The following PRF1 variants were observed in gnomAD, a reference collection of about 807,000 sequenced individuals.
PRF1 encodes perforin 1.
In PRF1, 11 loss-of-function variants were observed where a neutral mutation model predicts 11.7. The ratio of observed to expected loss-of-function variants is 0.94; its 90% CI spans 0.59 to 1.56. The LOEUF (loss-of-function observed/expected upper bound fraction) is 1.56, where lower values mean the gene tolerates loss of function less well. Among genes scored for constraint, PRF1 ranks in the 40% most tolerant of loss-of-function variants. PRF1 has a pLI of 0.00. For missense variants in PRF1, 729 were observed against 751.0 expected, an observed-to-expected ratio of 0.97 and a Z score of 0.34; for synonymous variants, 314 against 327.8, an observed-to-expected ratio of 0.96 and a Z score of 0.45.
Position 70,597,914 on chromosome 10 carries a change from G to C in PRF1, c.*139C>G. 1 of 1,073,522 alleles carries C rather than the reference G, an allele frequency of 9.3e-7. No individual in the cohort carries two copies. Among genetic ancestry groups the C allele is most frequent in the Non-Finnish European group, 1.4e-6 (1 of 732,668 alleles). The allele number at this position is 1,073,522 out of a possible 1,614,324, so 66.5% of individuals were successfully genotyped here. ...AAAGTTTGCGAATTTGCGTTGGGCC[G>C]CATTCAAAGCCATCCTGGGCCGCAT... is the stretch of plus-strand genomic sequence containing the variant. On this transcript the variant is annotated 3_prime_UTR_variant, in exon 3 of 3. Transcript: ENST00000441259.
rs751710889 is a variant in PRF1, at chr10:70,600,317, G to T, written c.539+47C>A. Reference sequence around the variant, plus strand: ...TTCCAGGGCTCCTAGACCACCCAGAGTTTCCCGCGCCTTTTCCAGCCCCCC... The same window carrying T: ...TTCCAGGGCTCCTAGACCACCCAGATTTTCCCGCGCCTTTTCCAGCCCCCC... On this transcript the variant is annotated intron_variant, in intron 2 of 2. Transcript: ENST00000441259. The surrounding 1 kb of genome is among the most constrained non-coding windows in gnomAD (Gnocchi z 4.9). 14 of 1,610,224 alleles carry T rather than the reference G, an allele frequency of 8.7e-6. No individual in the cohort carries two copies. Among genetic ancestry groups the T allele is most frequent in the Non-Finnish European group, 1.2e-5 (14 of 1,178,892 alleles).
chr10:70,601,243 G>T (rs984822599), intron 1 of PRF1, among the ~76,000 whole-genome samples: 2 of 152,184 alleles, frequency 1.3e-5, no homozygotes, highest in Admixed American at 6.5e-5. Context: ...GGCCACAGAA[G>T]AGGGGACAGA....
At position 70,600,303 on chromosome 10, in the gene PRF1, C is replaced by T. The variant is rs10999427; in HGVS notation, c.539+61G>A. ...GGAGGACTCTGCCTTTCCAGGGCTC[C>T]TAGACCACCCAGAGTTTCCCGCGCC... On this transcript the variant is annotated intron_variant, in intron 2 of 2. Transcript: ENST00000441259. This position sits in a 1 kb window ranked among gnomAD's most constrained non-coding sequence, Gnocchi z 4.9. 0.29 allele frequency: 457,825 copies of T among 1,601,052 alleles called. 70,918 individuals carry two copies. The highest frequency in any genetic ancestry group is 0.32 in the Non-Finnish European group (379,362 of 1,175,140).
rs1470905003 is a variant in PRF1 at position 70,597,938 on chromosome 10, A to T, written c.*115T>A. 38 of 1,380,576 alleles carry T rather than the reference A, an allele frequency of 2.8e-5. No homozygotes were observed. In the South Asian group the frequency reaches 4.4e-4, roughly 16 times the overall value. 85.5% of individuals were successfully genotyped at this position (1,380,576 alleles called of 1,614,324 possible). ...CGCATTCAAAGCCATCCTGGGCCGC[A>T]TGCGGGCCTCGGGTTGGACAAGCTT... On this transcript the variant is annotated 3_prime_UTR_variant, in exon 3 of 3. Coordinates refer to ENST00000441259, the MANE Select transcript of PRF1 (RefSeq NM_001083116.3).
Position 70,598,272 on chromosome 10 carries a change from C to A in PRF1, c.1449G>T (p.Trp483Cys). Residue 483 changes from tryptophan (W) to cysteine (C), a missense_variant, in exon 3 of 3, where the codon TGG (tryptophan) becomes TGT (cysteine). Trp to Cys is a radical substitution (Grantham distance 215). Coordinates refer to ENST00000441259, the MANE Select transcript of PRF1 (RefSeq NM_001083116.3). The stretch of plus-strand genomic sequence containing the variant: ...CATCGTCCCTGCCAGAGTCCTGATC[C>A]CAGACCTGCAACCTCAGGGGCCCCC... Reference protein sequence around the residue: ...ATGGPLRLQVWDQDSGRDDDL... With the variant: ...ATGGPLRLQVCDQDSGRDDDL... 2 of 1,614,236 alleles carry A rather than the reference C, an allele frequency of 1.2e-6. No homozygotes were observed. The highest frequency in any genetic ancestry group is 2.2e-5 in the South Asian group (2 of 91,074).
At chr10:70,601,520 G>C (rs1015236268) in intron 1 of PRF1, among the ~76,000 whole-genome samples, 10 of 151,902 alleles carry the variant, frequency 6.6e-5, no homozygotes, top group Non-Finnish European at 4.4e-5. Flanking sequence ...ACATCAGCCC[G>C]AATTCTAGAA....
rs749112632 is a variant in PRF1 at position 70,598,736 on chromosome 10, C to T, written c.985G>A (p.Val329Ile). ...QAGPEQYSAWVNSLPGSPGLV... is the reference protein window; with the variant it reads ...QAGPEQYSAWINSLPGSPGLV... ...CCAGGGCTGCCGGGCAGCGAGTTTA[C>T]CCAGGCTGAGTACTGCTCGGGCCCG... is the stretch of plus-strand genomic sequence containing the variant. Residue 329 changes from valine (V) to isoleucine (I), a missense_variant, in exon 3 of 3, where the codon GTA (valine) becomes ATA (isoleucine). Coordinates refer to ENST00000441259, the MANE Select transcript of PRF1 (RefSeq NM_001083116.3). 12 of 1,614,106 alleles carry T rather than the reference C, an allele frequency of 7.4e-6. No homozygotes were observed. The highest frequency in any genetic ancestry group is 1.3e-5 in the African/African-American group (1 of 74,932).
At chr10:70,601,979 GC>G (rs1242462872) in intron 1 of PRF1, among the ~76,000 whole-genome samples, 2 of 151,998 alleles carry the variant, frequency 1.3e-5, no homozygotes, top group Non-Finnish European at 2.9e-5. Context: ...AGTGACAGGG[GC>G]CCCCCTATTG....
Position 70,597,350 on chromosome 10 carries a change from A to T in PRF1, c.*703T>A, listed in dbSNP as rs1848137991. ...CTGCCACAACACCACCATGATGATC[A>T]CCATAACATCATATTTATTGGCCCT... is the stretch of plus-strand genomic sequence containing the variant. On this transcript the variant is annotated 3_prime_UTR_variant, in exon 3 of 3. Transcript: ENST00000441259. 7.8e-6 allele frequency: 2 copies of T among 255,300 alleles called. No individual in the cohort carries two copies. The highest frequency in any genetic ancestry group is 2.2e-5 in the African/African-American group (1 of 45,996). The allele number at this position is 255,300 out of a possible 1,614,324, so 15.8% of individuals were successfully genotyped here. A position where few individuals can be genotyped will look rare whatever the true frequency, so the allele number is the denominator to read the frequency against.
Position 70,600,116 on chromosome 10 carries a change from C to G in PRF1, c.539+248G>C, listed in dbSNP as rs758066800. Among the ~76,000 whole-genome samples the G allele has an allele frequency of 6.6e-6, 1 of 152,178 alleles. No homozygotes were observed. Among genetic ancestry groups the G allele is most frequent in the Admixed American group, 6.5e-5 (1 of 15,280 alleles). ...ACCTAAATGGCACCCTGCTGGGACT[C>G]TCAGGCATGGTCTCACTCACTTTCT... On this transcript the variant is annotated intron_variant, in intron 2 of 2. Coordinates refer to ENST00000441259, the MANE Select transcript of PRF1 (RefSeq NM_001083116.3). This position sits in a 1 kb window ranked among gnomAD's most constrained non-coding sequence, Gnocchi z 4.9.
chr10:70,599,421 AT>A (rs58445415), intron 2 of PRF1, among the ~76,000 whole-genome samples: 3,615 of 151,948 alleles, frequency 0.024, 160 homozygotes, highest in African/African-American at 0.083. Context: ...TCAAAATAAC[AT>A]TTTTTTCTTT....
chr10:70,601,584 T>C (rs1218554425), intron 1 of PRF1, among the ~76,000 whole-genome samples: 2 of 151,688 alleles, frequency 1.3e-5, no homozygotes, highest in Admixed American at 1.3e-4. Context: ...AACCGAACAC[T>C]GTGGGAGGCA....
chr10:70,601,314 G>C (rs1198618514), intron 1 of PRF1, among the ~76,000 whole-genome samples: 1 of 152,134 alleles, frequency 6.6e-6, no homozygotes, highest in Admixed American at 6.5e-5. Flanking sequence ...TTCTGAAGAA[G>C]TGTCATTTTT....
Position 70,598,642 on chromosome 10 carries a change from A to G in PRF1, c.1079T>C (p.Leu360Pro). 6.2e-7 allele frequency: 1 copy of G among 1,613,358 alleles called. No individual in the cohort carries two copies. Among genetic ancestry groups the G allele is most frequent in the Non-Finnish European group, 8.5e-7 (1 of 1,179,926 alleles). ...LDSQDPRREA[L>P]RRALSQYLTD... ...CAGGTACTGACTCAGGGCCCTCCTC[A>G]GTGCCTCCCGCCGCGGGTCCTGGCT... Residue 360 changes from leucine to proline, a missense_variant, in exon 3 of 3, where the codon CTG (leucine) becomes CCG (proline). Transcript: ENST00000441259.
Position 70,599,028 on chromosome 10 carries a change from G to GCCACCCAGCTCCACAGCCCGGATGAA in PRF1, c.667_692dup (p.Arg232SerfsTer36). The stretch of plus-strand genomic sequence containing the variant: ...GCAGGGCAGTGAGGGCCGATATGCG[G>GCCACCCAGCTCCACAGCCCGGATGAA]CCACCCAGCTCCACAGCCCGGATGA... On this transcript the variant is annotated frameshift_variant, in exon 3 of 3. Coordinates refer to ENST00000441259, the MANE Select transcript of PRF1 (RefSeq NM_001083116.3). LOFTEE classifies it low-confidence loss of function (END_TRUNC). The GCCACCCAGCTCCACAGCCCGGATGAA allele has an allele frequency of 1.2e-6, 2 of 1,613,614 alleles. No individual in the cohort carries two copies. Among genetic ancestry groups the GCCACCCAGCTCCACAGCCCGGATGAA allele is most frequent in the Non-Finnish European group, 1.7e-6 (2 of 1,179,590 alleles).
chr10:70,600,384 CG>C lies in PRF1; in HGVS notation c.518del (p.Thr173ArgfsTer86). 6.2e-7 allele frequency: 1 copy of C among 1,614,158 alleles called. No homozygotes were observed. Among genetic ancestry groups the C allele is most frequent in the South Asian group, 1.1e-5 (1 of 91,078 alleles). On this transcript the variant is annotated frameshift_variant, in exon 2 of 3. Transcript: ENST00000441259. LOFTEE classifies it low-confidence loss of function (END_TRUNC). This position sits in a 1 kb window ranked among gnomAD's most constrained non-coding sequence, Gnocchi z 4.9. ...HQDQYSFSTD[T>X]VECRFYSFHV... ...CTCACCTGTAGAAGCGGCACTCCAC[CG>C]TGTCAGTGCTGAAGCTGTACTGGTC...
intron 1 of PRF1, among the ~76,000 whole-genome samples, chr10:70,602,019 G>T (rs979436381): frequency 6.6e-6 from 1 of 152,210 alleles, no homozygotes; most frequent in Non-Finnish European, 1.5e-5. Flanking sequence ...TGTCTGGAAG[G>T]TTCTTCCTAA....
rs34914326 is a variant in PRF1, at chr10:70,597,843, T to TAA, written c.*208_*209dup. The TAA allele has an allele frequency of 1.6e-4, 95 of 596,528 alleles. No individual in the cohort carries two copies. The highest frequency in any genetic ancestry group is 1.1e-3 in the African/African-American group (56 of 50,422). 37.0% of individuals were successfully genotyped at this position (596,528 alleles called of 1,614,324 possible). On this transcript the variant is annotated 3_prime_UTR_variant, in exon 3 of 3. Transcript: ENST00000441259. ...CTAGCACTAACGATAGCCGATGAGC[T>TAA]AAAAAAAAAAAAAAAATAGCAAAAA...
chr10:70,599,086 T>G lies in PRF1; in HGVS notation c.635A>C (p.Tyr212Ser). The change falls in exon 3 of 3, where the codon TAC becomes TCC. Residue 212 changes from tyrosine (Y) to serine (S), a missense_variant. By Grantham distance (144) the Tyr-to-Ser change is moderately radical (BLOSUM62 -2). Coordinates refer to ENST00000441259, the MANE Select transcript of PRF1 (RefSeq NM_001083116.3). Reference protein sequence around the residue: ...HHFNASTQPAYLRLISNYGTH... With the variant: ...HHFNASTQPASLRLISNYGTH... ...GCCGTAGTTGGAGATAAGCCTGAGG[T>G]AGGCGGGCTGGGTGGAGGCGTTGAA... is the stretch of plus-strand genomic sequence containing the variant. The G allele has an allele frequency of 6.2e-7, 1 of 1,613,892 alleles. No homozygotes were observed. The highest frequency in any genetic ancestry group is 8.5e-7 in the Non-Finnish European group (1 of 1,179,876).
Sources: gnomAD v4.1 joint callset for allele counts (sites outside exome capture counted in the v4.1 genomes callset) on GRCh38, gnomAD v4.1.1 for gene constraint, Gnocchi (gnomAD v3.1) non-coding constraint, MANE v1.5 for transcripts, NCBI Gene and HGNC (gene_info 2026-07-23, HGNC 2026-07-21) for gene names.